Variants in CHD4 observed in about 807,000 individuals in gnomAD.
The protein encoded by CHD4 is chromodomain helicase DNA binding protein 4, also known as ATP-dependent chromatin remodeler CHD4.
In CHD4, 35 loss-of-function variants were observed where a neutral mutation model predicts 235.5. That is an observed-to-expected ratio of 0.15 (90% CI 0.11 to 0.20). The LOEUF is 0.20. Ranked by LOEUF, CHD4 falls within the 10% of genes least tolerant of loss-of-function variation. CHD4 has a pLI of 1.00. For synonymous variants in CHD4, 900 were observed against 850.2 expected, an observed-to-expected ratio of 1.06 and a Z score of -1.02; for missense variants, 1,329 against 2,432.3, an observed-to-expected ratio of 0.55 and a Z score of 9.54.
At chr12:6,597,304 G>A (rs1043982108) in intron 12 of CHD4, among the ~76,000 whole-genome samples, 1 of 150,640 alleles carries the variant, frequency 6.6e-6, no homozygotes, top group Non-Finnish European at 1.5e-5. Context: ...AATAAATAAA[G>A]ATAATAACAT....
intron 31 of CHD4, 114 bp downstream of exon 31, chr12:6,581,535 G>A (rs1948188908): frequency 1.3e-6 from 2 of 1,548,938 alleles, no homozygotes; most frequent in Non-Finnish European, 1.8e-6. Context: ...TAAACTGAGA[G>A]GGAATTGCTG....
intron 25 of CHD4, chr12:6,584,552 A>C (rs1948248801): frequency 1.3e-5 from 2 of 152,126 alleles, no homozygotes; most frequent in African/African-American, 4.8e-5. Flanking sequence ...CACTCGGCTA[A>C]TGTTTTTATT....
intron 33 of CHD4, chr12:6,580,233 AACAACAAC>A (rs201539057): frequency 0.16 from 23,252 of 148,082 alleles, 1,941 homozygotes; most frequent in African/African-American, 0.21. Context: ...TCTCGAAAAC[AACAACAAC>A]AACAACAACA....
In CHD4 at chr12:6,596,133, C is replaced by A. The variant is rs780481387; in HGVS notation, c.1897G>T (p.Asp633Tyr). 2.5e-6 allele frequency: 4 copies of A among 1,613,316 alleles called. No individual in the cohort carries two copies. The highest frequency in any genetic ancestry group is 1.3e-5 in the African/African-American group (1 of 74,820). ...AAGTAGTGGACGTGGCCCTTCTTGT[C>A]CACACTGCAAGTCCAGGAGAGAAAA... ...MIHRILNHSV[D>Y]KKGHVHYLIK... The change falls in exon 13 of 40, where the codon GAC (aspartate) becomes TAC (tyrosine). Residue 633 changes from aspartate to tyrosine, a missense_variant. This residue lies in a region of CHD4 where 121 missense variants were observed against 177.8 expected (regional missense o/e 0.68). Coordinates refer to ENST00000544040, the MANE Select transcript of CHD4 (RefSeq NM_001273.5).
At chr12:6,570,812 A>C in intron 39 of CHD4, 57 bp downstream of exon 39, 1 of 1,612,228 alleles carries the variant, frequency 6.2e-7, no homozygotes, top group Non-Finnish European at 8.5e-7. Context: ...CAGCAAAGTT[A>C]CAAGCTCCAG....
rs750422123 is a variant in CHD4 at position 6,587,563 on chromosome 12, T to TA, written c.3704-5dup. The TA allele has an allele frequency of 4.3e-6, 7 of 1,613,228 alleles. No homozygotes were observed. The Admixed American group carries it at 8.4e-5, about 19-fold the overall frequency. ...TCTCCCTCTTTGTTGTCTCCTCCTA[T>TA]AAAAAATCAAGGGCCCACATCCCCA... is the stretch of plus-strand genomic sequence containing the variant. On this transcript the variant is annotated splice_region_variant and splice_polypyrimidine_tract_variant and intron_variant, in intron 24 of 39. Transcript: ENST00000544040.
rs771901202 is a variant in CHD4 at position 6,600,205 on chromosome 12, CCAGA to C, written c.1242+8_1242+11del. The C allele has an allele frequency of 1.5e-5, 25 of 1,613,444 alleles. No individual in the cohort carries two copies. In the East Asian group the frequency reaches 2.9e-4, roughly 19 times the overall value. ...CATGGGTTCCAAGGGGCCACAATGG[CCAGA>C]CACTCACGCAGTGTGGGCAGCTCCA... On this transcript the variant is annotated splice_region_variant and intron_variant, in intron 9 of 39. Transcript: ENST00000544040.
intron 32 of CHD4, 41 bp downstream of exon 32, chr12:6,581,250 C>T: frequency 6.2e-7 from 1 of 1,613,520 alleles, no homozygotes; most frequent in South Asian, 1.1e-5. Context: ...TGGACTTACA[C>T]ATTTGTCTTT....
In CHD4 at chr12:6,592,957, C is replaced by CT. The variant is rs2136214947; in HGVS notation, c.2652+133dup. 6 of 1,502,192 alleles carry CT rather than the reference C, an allele frequency of 4.0e-6. No individual in the cohort carries two copies. The East Asian group carries it at 1.4e-4, about 34-fold the overall frequency. 93.1% of individuals were successfully genotyped at this position (1,502,192 alleles called of 1,614,324 possible). A position where few individuals can be genotyped will look rare whatever the true frequency, so the allele number is the denominator to read the frequency against. ...TTTTTAAAGGCCTGGCCACCAAGGG[C>CT]TGTCACATACAAGGAAGGAAGGCAG... On this transcript the variant is annotated intron_variant, in intron 17 of 39. Coordinates refer to ENST00000544040, the MANE Select transcript of CHD4 (RefSeq NM_001273.5).
At position 6,594,617 on chromosome 12, in the gene CHD4, G is replaced by A; in HGVS notation, c.2155C>T (p.Leu719=). Residue 719 remains leucine (L), a synonymous_variant, in exon 15 of 40, where the codon CTG becomes TTG. Transcript: ENST00000544040. ...TVKYERQPEY[L]DATGGTLHPY... is the part of the protein sequence containing the mutation. ...TGCAGGGTTCCACCTGTAGCATCCA[G>A]GTACTCTGGCTGTCGCTCATACTTC... 1.2e-6 allele frequency: 2 copies of A among 1,613,886 alleles called. No individual in the cohort carries two copies. Among genetic ancestry groups the A allele is most frequent in the Middle Eastern group, 1.7e-4 (1 of 6,054 alleles).
chr12:6,605,512 C>T (rs1466211940), intron 2 of CHD4, among the ~76,000 whole-genome samples: 1 of 152,160 alleles, frequency 6.6e-6, no homozygotes, highest in Admixed American at 6.5e-5. Flanking sequence ...TAACCCCTAG[C>T]ACACCTACAC....
intron 12 of CHD4, among the ~76,000 whole-genome samples, chr12:6,596,657 G>A (rs777291017): frequency 6.6e-5 from 10 of 151,972 alleles, no homozygotes; most frequent in African/African-American, 1.7e-4. Context: ...AAAATTAGCC[G>A]GGCATGGTGG....
At chr12:6,571,657 C>G (rs771625055) in intron 38 of CHD4, 2 of 152,348 alleles carry the variant, frequency 1.3e-5, no homozygotes, top group Admixed American at 1.3e-4. Context: ...GAAACCCCAT[C>G]TCTACTAAAA....
intron 2 of CHD4, among the ~76,000 whole-genome samples, chr12:6,605,602 C>T (rs1948680565): frequency 6.6e-6 from 1 of 152,156 alleles, no homozygotes; most frequent in African/African-American, 2.4e-5. Context: ...AAAACTATGT[C>T]CACTCACCAG....
chr12:6,597,684 T>C (rs1489844880), intron 12 of CHD4, among the ~76,000 whole-genome samples: 1 of 151,912 alleles, frequency 6.6e-6, no homozygotes, highest in African/African-American at 2.4e-5. Flanking sequence ...GATAATCACT[T>C]GAATCTGGGA....
rs1186427639 is a variant in CHD4, at chr12:6,602,489, C to T, written c.109G>A (p.Glu37Lys). The T allele has an allele frequency of 1.2e-6, 2 of 1,611,660 alleles. No individual in the cohort carries two copies. The highest frequency in any genetic ancestry group is 1.3e-5 in the African/African-American group (1 of 74,496). Residue 37 changes from glutamate to lysine, a missense_variant, in exon 3 of 40, where the codon GAG becomes AAG. Transcript: ENST00000544040. ...SLPPPHPENE[E>K]DPEEDLSETE... ...TCTGACAAATCCTCTTCTGGGTCCT[C>T]TTCATTTTCTACATATATTTGGCAA...
At chr12:6,599,638 T>C in intron 10 of CHD4, 135 bp downstream of exon 10, 1 of 1,099,988 alleles carries the variant, frequency 9.1e-7, no homozygotes, top group Non-Finnish European at 1.3e-6. Context: ...ATCCCAACAC[T>C]ATAGGATGAA....
At chr12:6,606,949 G>C (rs922782792) in intron 1 of CHD4, 1 of 151,682 alleles carries the variant, frequency 6.6e-6, no homozygotes, top group African/African-American at 2.4e-5. Context: ...CGGGCGCTGC[G>C]GGGGGCCGGA....
intron 10 of CHD4, 48 bp downstream of exon 10, chr12:6,599,725 A>G: frequency 8.7e-6 from 14 of 1,611,904 alleles, no homozygotes; most frequent in Non-Finnish European, 1.2e-5. Context: ...CTACATAGAA[A>G]AGACTACACT....
Sources: gnomAD v4.1 joint callset for allele counts (sites outside exome capture counted in the v4.1 genomes callset) on GRCh38, gnomAD v4.1.1 for gene constraint, gnomAD v4.1.1 regional missense constraint, MANE v1.5 for transcripts, NCBI Gene and HGNC (gene_info 2026-07-23, HGNC 2026-07-21) for gene names.